TNKS: variants seen among roughly 807,000 people sequenced by gnomAD.
TNKS encodes the protein tankyrase, also known as poly [ADP-ribose] polymerase tankyrase-1.
TNKS carries 72 observed loss-of-function variants against 135.8 expected under a neutral mutation model. The observed-to-expected ratio is 0.53, with a 90% CI of 0.44 to 0.64. TNKS has a LOEUF of 0.64. Ranked by LOEUF, TNKS falls within the 30% of genes least tolerant of loss-of-function variation. The pLI is 0.00. For synonymous variants in TNKS, 849 were observed against 649.3 expected, an observed-to-expected ratio of 1.31 and a Z score of -4.68; for missense variants, 1,769 against 1,674.0, an observed-to-expected ratio of 1.06 and a Z score of -0.99.
chr8:9,620,162 A>G (rs1244739035), intron 3 of TNKS, among the ~76,000 whole-genome samples: 1 of 152,016 alleles, frequency 6.6e-6, no homozygotes, highest in Non-Finnish European at 1.5e-5. Context: ...TTTGGCCAGG[A>G]TGGTCTCGAT....
In TNKS at chr8:9,680,776, T is replaced by C. The variant is rs1337222454; in HGVS notation, c.1083T>C (p.Asn361=). ...LMALLTPLNV[N]CHASDGRKST... is the part of the protein sequence containing the mutation. Reference sequence around the variant, plus strand: ...CTTTACTGACTCCTCTAAATGTGAATTGCCATGCAAGTGATGGGCGAAAGG... The same window carrying C: ...CTTTACTGACTCCTCTAAATGTGAACTGCCATGCAAGTGATGGGCGAAAGG... Residue 361 remains asparagine (N), a synonymous_variant, in exon 5 of 27, where the codon AAT becomes AAC. Transcript: ENST00000310430. 6 of 1,612,446 alleles carry C rather than the reference T, an allele frequency of 3.7e-6. No homozygotes were observed. In the Admixed American group the frequency reaches 5.0e-5, roughly 13 times the overall value.
intron 3 of TNKS, among the ~76,000 whole-genome samples, chr8:9,661,283 C>G (rs1801697333): frequency 6.6e-6 from 1 of 152,150 alleles, no homozygotes; most frequent in East Asian, 1.9e-4. Context: ...CAAGTCAATC[C>G]TAAGCTGAAA....
At chr8:9,733,581 A>C (rs1193940189) in intron 15 of TNKS, 137 bp downstream of exon 15, 51 of 719,396 alleles carry the variant, frequency 7.1e-5, no homozygotes, top group Non-Finnish European at 1.1e-5. Flanking sequence ...ATTTCCCAGA[A>C]GACCGTTTAT....
chr8:9,764,518 T>C (rs998010493), intron 22 of TNKS, among the ~76,000 whole-genome samples, 198 bp from the exon 23 acceptor site: 10 of 152,188 alleles, frequency 6.6e-5, no homozygotes, highest in Non-Finnish European at 1.5e-4. Flanking sequence ...AGAACTTTTA[T>C]TTAAAAGTAA....
chr8:9,600,741 C>T (rs543177244), intron 2 of TNKS, among the ~76,000 whole-genome samples: 32 of 152,180 alleles, frequency 2.1e-4, no homozygotes, highest in Non-Finnish European at 3.5e-4. Context: ...GTATGCTAGT[C>T]CCAGATGTTG....
intron 1 of TNKS, chr8:9,575,163 T>G (rs950396580): frequency 1.3e-6 from 1 of 776,504 alleles, no homozygotes; most frequent in African/African-American, 1.9e-5. Flanking sequence ...CTCGGCTCAT[T>G]GCAAGCTCCG....
At chr8:9,666,812 T>C (rs1377836744) in intron 3 of TNKS, among the ~76,000 whole-genome samples, 1 of 152,146 alleles carries the variant, frequency 6.6e-6, no homozygotes, top group Admixed American at 6.5e-5. Context: ...CAGAGAGCAT[T>C]GCTATATTAT....
intron 4 of TNKS, 70 bp downstream of exon 4, chr8:9,680,057 A>G: frequency 8.6e-7 from 1 of 1,160,846 alleles, no homozygotes; most frequent in Non-Finnish European, 1.3e-6. Flanking sequence ...CAGGTGGAGG[A>G]CTATAAAAAA....
chr8:9,751,940 A>G, intron 19 of TNKS, 94 bp downstream of exon 19: 1 of 1,095,458 alleles, frequency 9.1e-7, no homozygotes, highest in Non-Finnish European at 1.3e-6. Flanking sequence ...TGCCTCAATT[A>G]GAGACGTCCT....
intron 22 of TNKS, among the ~76,000 whole-genome samples, chr8:9,763,730 A>G (rs1216776003): frequency 2.6e-5 from 4 of 152,136 alleles, no homozygotes; most frequent in South Asian, 2.1e-4. Context: ...CTGAGCCCCT[A>G]TGAAGGCTGT....
At chr8:9,635,018 A>G (rs1210504492) in intron 3 of TNKS, among the ~76,000 whole-genome samples, 3 of 151,224 alleles carry the variant, frequency 2.0e-5, no homozygotes, top group Non-Finnish European at 4.4e-5. Context: ...ACAAAAAAAA[A>G]TATTAGCCGG....
At chr8:9,736,052 G>A (rs1196167817) in intron 17 of TNKS, among the ~76,000 whole-genome samples, 1 of 147,048 alleles carries the variant, frequency 6.8e-6, no homozygotes, top group Non-Finnish European at 1.5e-5. Flanking sequence ...CATGTAATGG[G>A]TGCTCAGTTT....
At chr8:9,638,777 A>C (rs1190601837) in intron 3 of TNKS, among the ~76,000 whole-genome samples, 1 of 152,198 alleles carries the variant, frequency 6.6e-6, no homozygotes, top group Non-Finnish European at 1.5e-5. Context: ...AAAAGCCATA[A>C]GATCCAAAAG....
chr8:9,589,394 G>A (rs1231493127), intron 2 of TNKS, among the ~76,000 whole-genome samples: 1 of 152,142 alleles, frequency 6.6e-6, no homozygotes, highest in African/African-American at 2.4e-5. Flanking sequence ...ATGTAAAGTT[G>A]GAGACAGAAA....
chr8:9,709,249 C>G (rs936097467), intron 9 of TNKS, among the ~76,000 whole-genome samples: 1 of 152,170 alleles, frequency 6.6e-6, no homozygotes, highest in Non-Finnish European at 1.5e-5. Context: ...TATATGTACA[C>G]TTAAATACAT....
At position 9,580,164 on chromosome 8, in the gene TNKS, G is replaced by C; in HGVS notation, c.679G>C (p.Gly227Arg). Residue 227 changes from glycine (G) to arginine (R), a missense_variant, in exon 2 of 27, where the codon GGA (glycine) becomes CGA (arginine). Around this residue, in one of 5 missense-constraint regions of TNKS, gnomAD observed 5 missense variants for 18.9 expected, o/e 0.26. Coordinates refer to ENST00000310430, the MANE Select transcript of TNKS (RefSeq NM_003747.3). ...ATTTTTTCGTTTCTTTTTAGGTTTT[G>C]GAAGGAAGGATGTTGTAGAACACTT... ...SSPLHFAAGF[G>R]RKDVVEHLLQ... 1 of 1,613,836 alleles carries C rather than the reference G, an allele frequency of 6.2e-7. No homozygotes were observed. Among genetic ancestry groups the C allele is most frequent in the Non-Finnish European group, 8.5e-7 (1 of 1,179,830 alleles).
intron 2 of TNKS, among the ~76,000 whole-genome samples, chr8:9,583,019 T>C (rs1192923921): frequency 6.6e-6 from 1 of 151,820 alleles, no homozygotes; most frequent in Non-Finnish European, 1.5e-5. Context: ...ACAAAAAAAT[T>C]AGCTGGGTGT....
rs371949962 is a variant in TNKS at position 9,600,005 on chromosome 8, GTAAT to G, written c.899-15573_899-15570del. On this transcript the variant is annotated intron_variant, in intron 2 of 26. Transcript: ENST00000310430. ...TTCACATGGATGAATTTTTGAGTGG[GTAAT>G]TAAATATTTTTTAATATCTCTAAAA... Among the ~76,000 whole-genome samples, 349 of 152,252 alleles carry G rather than the reference GTAAT, an allele frequency of 2.3e-3. 2 individuals are homozygous for G. In the South Asian group the frequency reaches 0.037, roughly 16 times the overall value.
intron 2 of TNKS, among the ~76,000 whole-genome samples, chr8:9,613,160 G>T (rs1385144148): frequency 2.6e-5 from 4 of 152,172 alleles, no homozygotes; most frequent in African/African-American, 9.7e-5. Context: ...TTGAGACAGA[G>T]ACCAAATAGT....
Sources: gnomAD v4.1 joint callset for allele counts (sites outside exome capture counted in the v4.1 genomes callset) on GRCh38, gnomAD v4.1.1 for gene constraint, gnomAD v4.1.1 regional missense constraint, MANE v1.5 for transcripts, NCBI Gene and HGNC (gene_info 2026-07-23, HGNC 2026-07-21) for gene names.